Variants in PTPRD observed in about 807,000 individuals in gnomAD.
The protein encoded by PTPRD is receptor-type tyrosine-protein phosphatase delta.
Under a neutral mutation model 214.5 loss-of-function variants are expected in PTPRD, and 34 were observed. The observed-to-expected ratio is 0.16, with a 90% CI of 0.12 to 0.21. The LOEUF (loss-of-function observed/expected upper bound fraction) is 0.21. Ranked by LOEUF, PTPRD falls within the 10% of genes least tolerant of loss-of-function variation. The probability of loss-of-function intolerance (pLI) is 1.00; values close to 1 mark genes in which losing one functional copy is unlikely to be tolerated. For synonymous variants in PTPRD, 1,128 were observed against 845.7 expected, an observed-to-expected ratio of 1.33 and a Z score of -5.79; for missense variants, 2,545 against 2,398.7, an observed-to-expected ratio of 1.06 and a Z score of -1.27.
intron 3 of PTPRD, among the ~76,000 whole-genome samples, chr9:10,303,658 T>C (rs565538861): frequency 6.6e-6 from 1 of 151,986 alleles, no homozygotes; most frequent in South Asian, 2.1e-4. Flanking sequence ...AACTAGAAAA[T>C]CTAGAAGAAA....
At chr9:10,039,578 C>A (rs1280188844) in intron 3 of PTPRD, among the ~76,000 whole-genome samples, 1 of 151,950 alleles carries the variant, frequency 6.6e-6, no homozygotes, top group Non-Finnish European at 1.5e-5. Flanking sequence ...ATATAAAGAA[C>A]ACTTAGCTTA....
At chr9:8,551,391 T>G (rs2082067136) in intron 14 of PTPRD, among the ~76,000 whole-genome samples, 1 of 152,234 alleles carries the variant, frequency 6.6e-6, no homozygotes, top group Non-Finnish European at 1.5e-5. Context: ...TCTCATTTTA[T>G]TTTTGCTGTT....
At chr9:8,396,087 T>C (rs376328714) in intron 36 of PTPRD, among the ~76,000 whole-genome samples, 1 of 152,064 alleles carries the variant, frequency 6.6e-6, no homozygotes, top group Non-Finnish European at 1.5e-5. Context: ...GCATGAGACA[T>C]GACTACAGAA....
intron 8 of PTPRD, among the ~76,000 whole-genome samples, chr9:9,467,629 C>T (rs1260135338): frequency 8.1e-6 from 1 of 123,918 alleles, no homozygotes; most frequent in African/African-American, 2.9e-5. Context: ...GAAATGACCG[C>T]ATCTCTTATC....
rs76927520 is a variant in PTPRD at position 9,330,905 on chromosome 9, C to CT, written c.-203+66543dup. On this transcript the variant is annotated intron_variant, in intron 9 of 45. Transcript: ENST00000381196. Reference sequence around the variant, plus strand: ...GGAGCATTTTTGGGGAAAAGAAGAGCTTTTTTTTTTTTTGAAATGATATCT... The same window carrying CT: ...GGAGCATTTTTGGGGAAAAGAAGAGCTTTTTTTTTTTTTTGAAATGATATCT... Among the ~76,000 whole-genome samples the CT allele has an allele frequency of 7.1e-3, 992 of 140,088 alleles. 6 individuals are homozygous for CT. The highest frequency in any genetic ancestry group is 0.015 in the African/African-American group (574 of 38,450). The allele number at this position is 140,088 out of a possible 152,430, so 91.9% of individuals were successfully genotyped here.
At chr9:10,019,222 G>A (rs919259712) in intron 4 of PTPRD, among the ~76,000 whole-genome samples, 44 of 151,974 alleles carry the variant, frequency 2.9e-4, no homozygotes, top group African/African-American at 9.2e-4. Context: ...CAAAACCACA[G>A]TGAGATACCA....
chr9:9,612,555 G>A (rs953447624), intron 7 of PTPRD, among the ~76,000 whole-genome samples: 25 of 152,060 alleles, frequency 1.6e-4, no homozygotes, highest in Admixed American at 1.3e-4. Flanking sequence ...CATGATCTGC[G>A]TTCCTGTTTT....
At chr9:8,713,722 C>G in intron 12 of PTPRD, 8 of 1,503,942 alleles carry the variant, frequency 5.3e-6, no homozygotes, top group Non-Finnish European at 7.3e-6. Flanking sequence ...CAGCAAGTGA[C>G]GCCGGCAGGC....
At chr9:10,177,742 C>A (rs2099257915) in intron 3 of PTPRD, among the ~76,000 whole-genome samples, 1 of 151,640 alleles carries the variant, frequency 6.6e-6, no homozygotes, top group African/African-American at 2.4e-5. Context: ...TTCTTTTGAC[C>A]ATTATTCTTT....
At chr9:8,403,155 A>G (rs2092614410) in intron 36 of PTPRD, among the ~76,000 whole-genome samples, 1 of 152,172 alleles carries the variant, frequency 6.6e-6, no homozygotes, top group African/African-American at 2.4e-5. Flanking sequence ...TAAATTTTGG[A>G]CGTTGAGGAA....
intron 9 of PTPRD, among the ~76,000 whole-genome samples, chr9:9,324,207 T>C (rs1019588683): frequency 2.6e-5 from 4 of 152,168 alleles, no homozygotes; most frequent in Admixed American, 1.3e-4. Flanking sequence ...ATACACGCAG[T>C]AATGGGATGG....
rs1262927182 is a variant in PTPRD at position 8,674,450 on chromosome 9, C to T, written c.65-37606G>A. Among the ~76,000 whole-genome samples, 5 of 82,076 alleles carry T rather than the reference C, an allele frequency of 6.1e-5. No individual in the cohort carries two copies. The East Asian group carries it at 1.8e-3, about 29-fold the overall frequency. The allele number at this position is 82,076 out of a possible 152,430, so 53.8% of individuals were successfully genotyped here. ...TCCAGCCTGGTGGCAGAGCAAGACG[C>T]TGTCTCAAAAAAAAAAAAAAAAAAA... On this transcript the variant is annotated intron_variant, in intron 12 of 45. Coordinates refer to ENST00000381196, the MANE Select transcript of PTPRD (RefSeq NM_002839.4).
chr9:8,788,647 T>G (rs954934469), intron 11 of PTPRD, among the ~76,000 whole-genome samples: 1 of 151,380 alleles, frequency 6.6e-6, no homozygotes, highest in Non-Finnish European at 1.5e-5. Flanking sequence ...TGGAGGAAAA[T>G]CAAAACAAAC....
intron 2 of PTPRD, among the ~76,000 whole-genome samples, chr9:10,461,870 C>A (rs906622640): frequency 2.0e-5 from 3 of 152,054 alleles, no homozygotes; most frequent in Non-Finnish European, 4.4e-5. Flanking sequence ...AATCCGCCCG[C>A]CCCAGCCTCC....
intron 33 of PTPRD, chr9:8,454,603 T>C: frequency 1.9e-6 from 3 of 1,612,774 alleles, no homozygotes; most frequent in Non-Finnish European, 2.5e-6. Context: ...TGCTCCATTT[T>C]AATGCAGCAA....
At chr9:10,159,008 G>C (rs1279920932) in intron 3 of PTPRD, among the ~76,000 whole-genome samples, 2 of 152,112 alleles carry the variant, frequency 1.3e-5, no homozygotes, top group Non-Finnish European at 2.9e-5. Flanking sequence ...TAGGAGGTTT[G>C]TTCCACTGGT....
intron 7 of PTPRD, among the ~76,000 whole-genome samples, chr9:9,634,506 T>G (rs78222183): frequency 0.016 from 2,465 of 152,286 alleles, 57 homozygotes; most frequent in African/African-American, 0.056. Context: ...AACAATAAAT[T>G]TGCTGATTAT....
intron 2 of PTPRD, among the ~76,000 whole-genome samples, chr9:10,492,886 T>G (rs1236158377): frequency 1.3e-5 from 2 of 151,938 alleles, no homozygotes; most frequent in Non-Finnish European, 2.9e-5. Context: ...GTTAAGCAGA[T>G]AAGCAACTTA....
intron 9 of PTPRD, among the ~76,000 whole-genome samples, chr9:9,290,495 T>C (rs1171605267): frequency 6.6e-6 from 1 of 151,580 alleles, no homozygotes; most frequent in Non-Finnish European, 1.5e-5. Context: ...AAAAACAATG[T>C]CAAGGAGTTT....
Sources: allele counts gnomAD v4.1 joint callset (sites outside exome capture counted in the v4.1 genomes callset), GRCh38; gene constraint gnomAD v4.1.1; transcripts MANE v1.5; gene names NCBI Gene and HGNC (gene_info 2026-07-23, HGNC 2026-07-21).